FAM169A: variants seen among roughly 807,000 people sequenced by gnomAD.
The protein encoded by FAM169A is soluble lamin-associated protein of 75 kDa.
In FAM169A, 24 loss-of-function variants were observed where a neutral mutation model predicts 75.7. The ratio of observed to expected loss-of-function variants is 0.32; its 90% CI spans 0.23 to 0.45. FAM169A has a LOEUF of 0.45. Among genes scored for constraint, FAM169A ranks in the 20% least tolerant of loss-of-function variants. The pLI is 1.00. For missense variants in FAM169A, 673 were observed against 784.0 expected (o/e 0.86, Z 1.69); for synonymous variants, 271 against 271.0 (o/e 1.00, Z 0.00).
chr5:74,831,863 G>A (rs1017748728), intron 5 of FAM169A, among the ~76,000 whole-genome samples: 7 of 151,896 alleles, frequency 4.6e-5, no homozygotes, highest in African/African-American at 9.7e-5. Flanking sequence ...TATGAGACAC[G>A]GACAGATCTC....
Position 74,803,438 on chromosome 5 carries a change from G to A in FAM169A, c.912+1055C>T, listed in dbSNP as rs555813505. Among the ~76,000 whole-genome samples, 29 of 152,140 alleles carry A rather than the reference G, an allele frequency of 1.9e-4. No individual in the cohort carries two copies. In the South Asian group the frequency reaches 5.2e-3, roughly 27 times the overall value. On this transcript the variant is annotated intron_variant, in intron 8 of 12. Transcript: ENST00000687041. ...AAAAATGTTTACAAATTTGCCACTC[G>A]AATAGTCAACTCTCATGCTAATTGA...
Position 74,781,661 on chromosome 5 carries a change from A to G in FAM169A, c.1812T>C (p.Asn604=). The part of the protein sequence containing the change: ...VELEDVPFSQ[N]AGQKNQSEEQ... ...CCTCTGACTGATTCTTCTGTCCTGC[A>G]TTCTGTGAAAATGGCACGTCTTCAA... is the stretch of plus-strand genomic sequence containing the variant. Residue 604 remains asparagine (N), a synonymous_variant, in exon 13 of 13, where the codon AAT becomes AAC. Transcript: ENST00000687041. The G allele has an allele frequency of 3.1e-6, 5 of 1,614,168 alleles. No homozygotes were observed. The highest frequency in any genetic ancestry group is 2.5e-6 in the Non-Finnish European group (3 of 1,180,008).
intron 5 of FAM169A, among the ~76,000 whole-genome samples, chr5:74,815,196 CT>C (rs59570627): frequency 0.36 from 53,201 of 147,442 alleles, 12,536 homozygotes; most frequent in African/African-American, 0.68. Context: ...TTTCTTTTTT[CT>C]TTTTTTTTTG....
rs185642428 is a variant in FAM169A at position 74,809,469 on chromosome 5, G to A, written c.671-4185C>T. ...AAATTAGCCAGGTGTGGTGGCAGGC[G>A]CCTGTAGTCCAAACAGCTTGGGAGG... On this transcript the variant is annotated intron_variant, in intron 6 of 12. Transcript: ENST00000687041. 3.6e-3 allele frequency among the ~76,000 whole-genome samples: 553 copies of A among 152,166 alleles called. 6 individuals are homozygous for A. The highest frequency in any genetic ancestry group is 0.013 in the African/African-American group (526 of 41,496).
At chr5:74,805,110 A>G (rs1291744214) in intron 7 of FAM169A, 46 bp downstream of exon 7, 1 of 1,585,718 alleles carries the variant, frequency 6.3e-7, no homozygotes, top group Non-Finnish European at 8.6e-7. Flanking sequence ...ACAGGCTACC[A>G]AAAATAAATA....
At chr5:74,809,277 A>T (rs1747044399) in intron 6 of FAM169A, among the ~76,000 whole-genome samples, 1 of 152,216 alleles carries the variant, frequency 6.6e-6, no homozygotes, top group South Asian at 2.1e-4. Flanking sequence ...CACATATAAC[A>T]ACTCATATCC....
upstream of FAM169A, chr5:74,866,427 CCG>C: frequency 2.1e-6 from 2 of 949,396 alleles, no homozygotes; most frequent in Non-Finnish European, 2.5e-6. Context: ...CGCTCCGCGC[CCG>C]CGCCCACCGC....
At position 74,834,453 on chromosome 5, in the gene FAM169A, T is replaced by C; in HGVS notation, c.463A>G (p.Ile155Val). 2 of 1,557,318 alleles carry C rather than the reference T, an allele frequency of 1.3e-6. No homozygotes were observed. The change falls in exon 5 of 13, where the codon ATT becomes GTT. Residue 155 changes from isoleucine (I) to valine (V), a missense_variant. This residue lies in a region of FAM169A where 107 missense variants were observed against 180.8 expected (regional missense o/e 0.59). Transcript: ENST00000687041. The stretch of plus-strand genomic sequence containing the variant: ...GTAGGCTTAACTGAATAAAACCCAA[T>C]GGCCTCTCCTTTCTTCCACAGAATC... ...AKILWKKGEA[I>V]GFYSVKPTGS...
At chr5:74,804,694 G>A (rs1402310545) in intron 7 of FAM169A, 89 bp from the exon 8 acceptor site, 2 of 688,836 alleles carry the variant, frequency 2.9e-6, no homozygotes, top group African/African-American at 3.6e-5. Flanking sequence ...AAGCTCTGAA[G>A]AGCAGCCTGG....
chr5:74,826,180 T>C (rs1330496813), intron 5 of FAM169A, among the ~76,000 whole-genome samples: 1 of 152,220 alleles, frequency 6.6e-6, no homozygotes, highest in Non-Finnish European at 1.5e-5. Context: ...CTTGTTCTTA[T>C]TTCATAAATG....
intron 2 of FAM169A, 21 bp downstream of exon 2, chr5:74,841,524 A>G (rs763508592): frequency 4.6e-5 from 71 of 1,552,814 alleles, no homozygotes; most frequent in Non-Finnish European, 6.0e-5. Flanking sequence ...GATTGATGAC[A>G]ATCACTGCAG....
chr5:74,828,092 T>C lies in FAM169A; in HGVS notation c.490+6334A>G, dbSNP rs542797586. Among the ~76,000 whole-genome samples, 285 of 152,322 alleles carry C rather than the reference T, an allele frequency of 1.9e-3. 2 individuals carry two copies. The highest frequency in any genetic ancestry group is 6.6e-3 in the African/African-American group (275 of 41,574). ...TAGATATAAGTGCTTAAGAACCTTG[T>C]TCAAATAAGAAGGAACCAGAAAACC... On this transcript the variant is annotated intron_variant, in intron 5 of 12. Transcript: ENST00000687041.
chr5:74,781,616 G>C lies in FAM169A; in HGVS notation c.1857C>G (p.Ser619=). 1.2e-6 allele frequency: 2 copies of C among 1,614,108 alleles called. No homozygotes were observed. Among genetic ancestry groups the C allele is most frequent in the Non-Finnish European group, 1.7e-6 (2 of 1,180,018 alleles). Residue 619 remains serine (S), a synonymous_variant, in exon 13 of 13, where the codon TCC becomes TCG. Transcript: ENST00000687041. The part of the protein sequence containing the change: ...NQSEEQSEAS[S]EQLDQFTQSA... ...ATTGTGTAAACTGATCCAGTTGCTC[G>C]GAAGATGCTTCAGACTGCTCCTCTG...
At chr5:74,811,019 G>T (rs1182071490) in intron 6 of FAM169A, among the ~76,000 whole-genome samples, 1 of 127,116 alleles carries the variant, frequency 7.9e-6, no homozygotes, top group Non-Finnish European at 1.6e-5. Context: ...GTCTCGCTCT[G>T]TCACCCAGGT....
chr5:74,863,000 T>C (rs528936702), intron 1 of FAM169A, among the ~76,000 whole-genome samples: 2 of 140,050 alleles, frequency 1.4e-5, no homozygotes, highest in South Asian at 4.4e-4. Context: ...TTGGAACAGC[T>C]AGTAACCAAA....
In FAM169A at chr5:74,792,648, C is replaced by T. The variant is rs573109836; in HGVS notation, c.1260+3382G>A. Among the ~76,000 whole-genome samples the T allele has an allele frequency of 5.3e-5, 8 of 151,876 alleles. No individual in the cohort carries two copies. In the South Asian group the frequency reaches 1.7e-3, roughly 32 times the overall value. On this transcript the variant is annotated intron_variant, in intron 11 of 12. Transcript: ENST00000687041. ...ATACATCTATCCTATTAGTTCTGTC[C>T]CTCTAGAGAACCCTGACTAATACAC...
At chr5:74,819,221 G>GAA (rs768974417) in intron 5 of FAM169A, among the ~76,000 whole-genome samples, 3 of 80,798 alleles carry the variant, frequency 3.7e-5, no homozygotes, top group East Asian at 3.4e-4. Context: ...TCGTCTCAAA[G>GAA]AAAAAAAAAA....
chr5:74,815,789 G>C (rs550232927), intron 5 of FAM169A, among the ~76,000 whole-genome samples: 31 of 152,276 alleles, frequency 2.0e-4, no homozygotes, highest in African/African-American at 7.5e-4. Context: ...CAATGAGAGT[G>C]ACCTCTGGTT....
intron 5 of FAM169A, among the ~76,000 whole-genome samples, chr5:74,823,191 T>A (rs1439382627): frequency 6.6e-6 from 1 of 152,210 alleles, no homozygotes; most frequent in African/African-American, 2.4e-5. Flanking sequence ...ACAATTAAGA[T>A]CCTTTGCAAT....
Sources: gnomAD v4.1 joint callset for allele counts (sites outside exome capture counted in the v4.1 genomes callset) on GRCh38, gnomAD v4.1.1 for gene constraint, gnomAD v4.1.1 regional missense constraint, MANE v1.5 for transcripts, NCBI Gene and HGNC (gene_info 2026-07-23, HGNC 2026-07-21) for gene names.